Variants in CDH13 observed in about 807,000 individuals in gnomAD.
CDH13 encodes the protein cadherin-13.
A neutral mutation model predicts 63.8 loss-of-function variants in CDH13; 24 were observed. The ratio of observed to expected loss-of-function variants is 0.38; its 90% CI spans 0.27 to 0.53. The LOEUF is 0.53. Ranked by LOEUF, CDH13 falls within the 20% of genes least tolerant of loss-of-function variation. The pLI is 0.85. For synonymous variants in CDH13, 503 were observed against 355.3 expected (o/e 1.42, Z -4.67); for missense variants, 1,049 against 903.1 (o/e 1.16, Z -2.07).
chr16:83,228,430 G>A (rs1176661772), intron 5 of CDH13, among the ~76,000 whole-genome samples: 1 of 152,170 alleles, frequency 6.6e-6, no homozygotes, highest in African/African-American at 2.4e-5. Context: ...CATCTCTGGG[G>A]CACCAGAGAT....
chr16:82,773,847 G>A (rs1048953909), intron 1 of CDH13, among the ~76,000 whole-genome samples: 3 of 150,270 alleles, frequency 2.0e-5, no homozygotes, highest in South Asian at 2.1e-4. Flanking sequence ...GCAATTGCGC[G>A]ATCTCAGCTC....
chr16:83,309,930 T>C (rs2089964212), intron 5 of CDH13, among the ~76,000 whole-genome samples: 1 of 152,084 alleles, frequency 6.6e-6, no homozygotes. Flanking sequence ...AAAGTGGCTC[T>C]CCCTCAGCAT....
intron 3 of CDH13, among the ~76,000 whole-genome samples, chr16:83,096,037 G>C (rs1432899143): frequency 6.6e-6 from 1 of 152,196 alleles, no homozygotes; most frequent in Non-Finnish European, 1.5e-5. Context: ...GGAAGAGGGT[G>C]TGATGCAGTG....
intron 10 of CDH13, among the ~76,000 whole-genome samples, chr16:83,726,718 G>T (rs572642587): frequency 4.6e-5 from 7 of 152,190 alleles, no homozygotes; most frequent in African/African-American, 1.7e-4. Context: ...GGCCCCTGTA[G>T]TCCCAGCTAC....
At chr16:83,512,743 G>C (rs1567726521) in intron 7 of CDH13, among the ~76,000 whole-genome samples, 1 of 151,978 alleles carries the variant, frequency 6.6e-6, no homozygotes, top group Non-Finnish European at 1.5e-5. Context: ...TTCTACATGA[G>C]CTTTCACAGG....
intron 1 of CDH13, among the ~76,000 whole-genome samples, chr16:82,660,458 G>C (rs893906067): frequency 2.6e-5 from 4 of 152,164 alleles, no homozygotes; most frequent in African/African-American, 9.7e-5. Context: ...GGAAACCCAA[G>C]AGGGAGCACC....
At chr16:83,238,175 C>G (rs1904279393) in intron 5 of CDH13, among the ~76,000 whole-genome samples, 1 of 151,776 alleles carries the variant, frequency 6.6e-6, no homozygotes, top group Admixed American at 6.6e-5. Context: ...GTGTATTAGT[C>G]CATTTTCATA....
At chr16:83,303,320 A>C (rs561237642) in intron 5 of CDH13, among the ~76,000 whole-genome samples, 1 of 152,338 alleles carries the variant, frequency 6.6e-6, no homozygotes, top group African/African-American at 2.4e-5. Flanking sequence ...ATGATCACGC[A>C]ATAACCCAGT....
At chr16:83,726,743 C>G (rs1910445189) in intron 10 of CDH13, among the ~76,000 whole-genome samples, 1 of 151,962 alleles carries the variant, frequency 6.6e-6, no homozygotes, top group South Asian at 2.1e-4. Flanking sequence ...GAGGCTGAGG[C>G]AGGGGAATGG....
At chr16:83,373,889 T>C (rs923947613) in intron 6 of CDH13, among the ~76,000 whole-genome samples, 19 of 152,194 alleles carry the variant, frequency 1.2e-4, no homozygotes, top group Middle Eastern at 3.4e-3. Context: ...ACCACCAGCA[T>C]GGGATACATC....
intron 5 of CDH13, among the ~76,000 whole-genome samples, chr16:83,226,668 C>T (rs1335365614): frequency 6.6e-6 from 1 of 152,206 alleles, no homozygotes; most frequent in Non-Finnish European, 1.5e-5. Context: ...GCGGAAGCAT[C>T]GCAATACATT....
chr16:82,920,279 C>A (rs1477684010), intron 2 of CDH13, among the ~76,000 whole-genome samples: 1 of 152,170 alleles, frequency 6.6e-6, no homozygotes, highest in Non-Finnish European at 1.5e-5. Flanking sequence ...TTTATTTTCC[C>A]ATAAGTTCTC....
At chr16:83,063,084 C>T (rs73596287) in intron 3 of CDH13, among the ~76,000 whole-genome samples, 2,334 of 152,052 alleles carry the variant, frequency 0.015, 44 homozygotes, top group African/African-American at 0.053. Flanking sequence ...GCATCAGCCT[C>T]CCTAATAGCT....
chr16:82,789,391 C>A (rs919398336), intron 1 of CDH13, among the ~76,000 whole-genome samples: 12 of 152,276 alleles, frequency 7.9e-5, no homozygotes, highest in African/African-American at 2.6e-4. Flanking sequence ...TATATCTCAC[C>A]TTTGATGATA....
chr16:82,639,553 C>T (rs548769841), intron 1 of CDH13: 1 of 799,240 alleles, frequency 1.3e-6, no homozygotes, highest in Non-Finnish European at 2.1e-6. Context: ...TCAGTGCTTC[C>T]TGCAAGCTAC....
intron 4 of CDH13, among the ~76,000 whole-genome samples, chr16:83,175,990 G>C (rs1458903469): frequency 6.6e-6 from 1 of 151,262 alleles, no homozygotes; most frequent in Non-Finnish European, 1.5e-5. Context: ...CACAATGCCT[G>C]GCTAATTTTT....
intron 1 of CDH13, chr16:82,826,275 C>T (rs965833793): frequency 6.6e-6 from 1 of 152,214 alleles, no homozygotes; most frequent in African/African-American, 2.4e-5. Context: ...GTTGCTTTCT[C>T]ATGAAGTTAG....
chr16:83,389,279 C>T (rs980970821), intron 6 of CDH13, among the ~76,000 whole-genome samples: 3 of 152,100 alleles, frequency 2.0e-5, no homozygotes, highest in East Asian at 1.9e-4. Context: ...TTTAGCGTAT[C>T]TTAACGTTTT....
chr16:83,744,507 G>A (rs774673293), intron 10 of CDH13, among the ~76,000 whole-genome samples: 5 of 152,300 alleles, frequency 3.3e-5, no homozygotes, highest in East Asian at 1.9e-4. Flanking sequence ...CCCTGCGTTC[G>A]CCTCATCCGT....
Sources: gnomAD v4.1 joint callset for allele counts (sites outside exome capture counted in the v4.1 genomes callset) on GRCh38, gnomAD v4.1.1 for gene constraint, MANE v1.5 for transcripts, NCBI Gene and HGNC (gene_info 2026-07-23, HGNC 2026-07-21) for gene names.